The following TRIM63 variants were observed in gnomAD, a reference collection of about 807,000 sequenced individuals.
TRIM63 encodes E3 ubiquitin-protein ligase TRIM63.
TRIM63 carries 48 observed loss-of-function variants against 46.0 expected under a neutral mutation model. That is an observed-to-expected ratio of 1.04 (90% CI 0.83 to 1.33). The LOEUF (loss-of-function observed/expected upper bound fraction) is 1.33, where lower values mean the gene tolerates loss of function less well. TRIM63 is among the 40% of genes most tolerant of loss of function. TRIM63 has a pLI of 0.00. For missense variants in TRIM63, 455 were observed against 441.2 expected (o/e 1.03, Z -0.28); for synonymous variants, 175 against 162.8 (o/e 1.08, Z -0.57).
Position 26,051,796 on chromosome 1 carries a change from T to TGTCACCAAGGCCGCTGGGCCC in TRIM63, c.*56_*76dup. 8.0e-6 allele frequency: 2 copies of TGTCACCAAGGCCGCTGGGCCC among 250,280 alleles called. No individual in the cohort carries two copies. Among genetic ancestry groups the TGTCACCAAGGCCGCTGGGCCC allele is most frequent in the Non-Finnish European group, 1.6e-5 (2 of 123,236 alleles). 15.5% of individuals were successfully genotyped at this position (250,280 alleles called of 1,614,324 possible). On this transcript the variant is annotated 3_prime_UTR_variant, in exon 9 of 9. Transcript: ENST00000374272. ...GCCCCGACCCCTCCCACCCTGGGCC[T>TGTCACCAAGGCCGCTGGGCCC]GTCACCAAGGCCGCTGGGCCCCTCC...
rs1043279569 is a variant in TRIM63 at position 26,066,543 on chromosome 1, T to A, written c.160-103A>T. The stretch of plus-strand genomic sequence containing the variant: ...CCTCTGCCTATCCGAACCACCCCCG[T>A]CAAACCTAACAACCTGGAGCTCTGC... On this transcript the variant is annotated intron_variant, in intron 1 of 8. Coordinates refer to ENST00000374272, the MANE Select transcript of TRIM63 (RefSeq NM_032588.4). The A allele has an allele frequency of 6.3e-6, 7 of 1,116,476 alleles. No individual in the cohort carries two copies. In the African/African-American group the frequency reaches 9.6e-5, roughly 15 times the overall value. The allele number at this position is 1,116,476 out of a possible 1,614,324, so 69.2% of individuals were successfully genotyped here. A position where few individuals can be genotyped will look rare whatever the true frequency, so the allele number is the denominator to read the frequency against.
intron 5 of TRIM63, 79 bp from the exon 6 acceptor site, chr1:26,057,729 T>C: frequency 6.9e-7 from 1 of 1,449,480 alleles, no homozygotes; most frequent in Non-Finnish European, 9.4e-7. Flanking sequence ...GTGAACTAGG[T>C]GTTGTAGGTA....
chr1:26,065,017 TTG>T (rs147938449), intron 2 of TRIM63, among the ~76,000 whole-genome samples: 77 of 149,188 alleles, frequency 5.2e-4, no homozygotes, highest in Non-Finnish European at 7.8e-4. Context: ...TTGTGTTGTG[TTG>T]TGTGTGTGTG....
chr1:26,056,889 A>C (rs1196894692), intron 7 of TRIM63, among the ~76,000 whole-genome samples: 1 of 151,928 alleles, frequency 6.6e-6, no homozygotes, highest in Non-Finnish European at 1.5e-5. Flanking sequence ...CAGCTTCCCA[A>C]GTAGCTGGAA....
chr1:26,065,903 G>C (rs1194181958), intron 2 of TRIM63, among the ~76,000 whole-genome samples: 1 of 152,236 alleles, frequency 6.6e-6, no homozygotes, highest in Non-Finnish European at 1.5e-5. Flanking sequence ...ACACGGGAGA[G>C]TAGCTGTTGC....
At chr1:26,057,146 G>A (rs1347272486) in intron 7 of TRIM63, 57 bp downstream of exon 7, 12 of 1,600,618 alleles carry the variant, frequency 7.5e-6, no homozygotes, top group Non-Finnish European at 1.0e-5. Flanking sequence ...TTGGAGGGAT[G>A]CTGGTTTCCA....
rs1557569174 is a variant in TRIM63, at chr1:26,051,323, G to C, written c.*550C>G. On this transcript the variant is annotated 3_prime_UTR_variant, in exon 9 of 9. Coordinates refer to ENST00000374272, the MANE Select transcript of TRIM63 (RefSeq NM_032588.4). ...GGCTCCTTTGAAGAACAGGAAGAGAGCATTGTGCATTTATTAAAACAACAT... is the reference window on the plus strand; with the variant it reads ...GGCTCCTTTGAAGAACAGGAAGAGACCATTGTGCATTTATTAAAACAACAT... The C allele has an allele frequency of 6.6e-6, 1 of 152,416 alleles. No individual in the cohort carries two copies. The highest frequency in any genetic ancestry group is 6.5e-5 in the Admixed American group (1 of 15,290). The allele number at this position is 152,416 out of a possible 1,614,324, so 9.4% of individuals were successfully genotyped here.
intron 4 of TRIM63, among the ~76,000 whole-genome samples, chr1:26,059,452 C>A (rs889321400): frequency 6.6e-6 from 1 of 152,170 alleles, no homozygotes; most frequent in South Asian, 2.1e-4. Context: ...ATTCGGGAAG[C>A]TCTGCATCAT....
intron 1 of TRIM63, 101 bp from the exon 2 acceptor site, chr1:26,066,541 C>G (rs1010422634): frequency 8.8e-7 from 1 of 1,132,486 alleles, no homozygotes. Flanking sequence ...GAACCACCCC[C>G]GTCAAACCTA....
intron 3 of TRIM63, among the ~76,000 whole-genome samples, chr1:26,060,907 A>C (rs1403673554): frequency 6.6e-6 from 1 of 152,176 alleles, no homozygotes; most frequent in East Asian, 1.9e-4. Flanking sequence ...AGAGGACCCC[A>C]GTGGCCTGGC....
At chr1:26,063,073 T>TTTG (rs1471417425) in intron 2 of TRIM63, among the ~76,000 whole-genome samples, 1 of 151,612 alleles carries the variant, frequency 6.6e-6, no homozygotes, top group Non-Finnish European at 1.5e-5. Context: ...TGTTTGTTTG[T>TTTG]TTGTTTGTTT....
Position 26,051,824 on chromosome 1 carries a change from ACCCT to A in TRIM63, c.*45_*48del. 1.6e-6 allele frequency: 1 copy of A among 624,470 alleles called. No individual in the cohort carries two copies. Among genetic ancestry groups the A allele is most frequent in the Non-Finnish European group, 2.2e-6 (1 of 464,996 alleles). 38.7% of individuals were successfully genotyped at this position (624,470 alleles called of 1,614,324 possible). A position where few individuals can be genotyped will look rare whatever the true frequency, so the allele number is the denominator to read the frequency against. ...CACCAAGGCCGCTGGGCCCCTCCCCACCCTCTCCAGTCTCTCTGCATCTGGGGGC... is the reference window on the plus strand; with the variant it reads ...CACCAAGGCCGCTGGGCCCCTCCCCACTCCAGTCTCTCTGCATCTGGGGGC... On this transcript the variant is annotated 3_prime_UTR_variant, in exon 9 of 9. Coordinates refer to ENST00000374272, the MANE Select transcript of TRIM63 (RefSeq NM_032588.4).
At chr1:26,058,286 T>C (rs2050590342) in intron 5 of TRIM63, 104 bp downstream of exon 5, 3 of 982,104 alleles carry the variant, frequency 3.1e-6, no homozygotes, top group South Asian at 3.1e-5. Flanking sequence ...GAGGTTTAAA[T>C]GGCTTTTCCA....
chr1:26,065,947 G>C (rs1233183786), intron 2 of TRIM63, among the ~76,000 whole-genome samples: 1 of 152,214 alleles, frequency 6.6e-6, no homozygotes, highest in Non-Finnish European at 1.5e-5. Context: ...TTTCTCACCG[G>C]GCATTTTCTC....
intron 6 of TRIM63, 53 bp downstream of exon 6, chr1:26,057,575 A>G: frequency 6.3e-7 from 1 of 1,583,788 alleles, no homozygotes; most frequent in East Asian, 2.2e-5. Flanking sequence ...TCCTGGACAG[A>G]GGTCCTGGTG....
At chr1:26,055,223 C>T (rs2050560463) in intron 7 of TRIM63, among the ~76,000 whole-genome samples, 1 of 152,214 alleles carries the variant, frequency 6.6e-6, no homozygotes, top group African/African-American at 2.4e-5. Flanking sequence ...TACTTGCCAG[C>T]TGTGTGGCCT....
chr1:26,067,174 G>A lies in TRIM63; in HGVS notation c.159+162C>T, dbSNP rs2186233. Among the ~76,000 whole-genome samples the A allele has an allele frequency of 8.9e-3, 1,361 of 152,264 alleles. 17 individuals carry two copies. Among genetic ancestry groups the A allele is most frequent in the African/African-American group, 0.031 (1,275 of 41,546 alleles). ...GAGAAGAACCGCAGCAGCCAGAGCC[G>A]CCTCCCAGCCCCCTCTCAGCCCTGT... On this transcript the variant is annotated intron_variant, in intron 1 of 8. Transcript: ENST00000374272.
At chr1:26,064,251 T>G (rs1306902247) in intron 2 of TRIM63, among the ~76,000 whole-genome samples, 1 of 152,088 alleles carries the variant, frequency 6.6e-6, no homozygotes, top group Non-Finnish European at 1.5e-5. Context: ...GCCAACATGG[T>G]GAAACCCTGT....
intron 4 of TRIM63, among the ~76,000 whole-genome samples, chr1:26,059,842 C>T (rs927806605): frequency 1.3e-5 from 2 of 152,184 alleles, no homozygotes; most frequent in African/African-American, 4.8e-5. Context: ...AGCTCTTATG[C>T]CTCATTCCAA....
Sources: gnomAD v4.1 joint callset for allele counts (sites outside exome capture counted in the v4.1 genomes callset) on GRCh38, gnomAD v4.1.1 for gene constraint, MANE v1.5 for transcripts, NCBI Gene and HGNC (gene_info 2026-07-23, HGNC 2026-07-21) for gene names.